EMB: variants seen among roughly 807,000 people sequenced by gnomAD.
The protein encoded by EMB is embigin.
A neutral mutation model predicts 41.4 loss-of-function variants in EMB; 31 were observed. The observed-to-expected ratio is 0.75, with a 90% confidence interval of 0.56 to 1.01. EMB has a LOEUF of 1.01. Ranked by LOEUF, EMB falls within the 50% of genes least tolerant of loss-of-function variation. The probability of loss-of-function intolerance (pLI) is 0.00; values close to 1 mark genes in which losing one functional copy is unlikely to be tolerated. For missense variants in EMB, 379 were observed against 388.3 expected (o/e 0.98, Z 0.20); for synonymous variants, 137 against 140.4 (o/e 0.98, Z 0.17).
chr5:50,413,262 A>G (rs914467568), intron 2 of EMB, among the ~76,000 whole-genome samples: 9 of 152,204 alleles, frequency 5.9e-5, no homozygotes, highest in Non-Finnish European at 8.8e-5. Context: ...AAGAAATCAT[A>G]CAAATATACC....
rs1055847995 is a variant in EMB at position 50,431,521 on chromosome 5, C to A, written c.113-3294G>T. Among the ~76,000 whole-genome samples, 71 of 152,016 alleles carry A rather than the reference C, an allele frequency of 4.7e-4. 1 individual carries two copies. The highest frequency in any genetic ancestry group is 5.9e-5 in the Non-Finnish European group (4 of 67,996). The stretch of plus-strand genomic sequence containing the variant: ...GAGGAAGGAATTTGGGGTCTTAATC[C>A]AAATTCTGTCACTGACTGTTACTTA... On this transcript the variant is annotated intron_variant, in intron 1 of 8. Coordinates refer to ENST00000303221, the MANE Select transcript of EMB (RefSeq NM_198449.3).
intron 2 of EMB, among the ~76,000 whole-genome samples, chr5:50,413,514 T>C (rs1476096965): frequency 6.6e-6 from 1 of 152,056 alleles, no homozygotes; most frequent in Non-Finnish European, 1.5e-5. Context: ...TTCATGAAAG[T>C]AATCAACAAA....
intron 1 of EMB, among the ~76,000 whole-genome samples, chr5:50,429,696 G>T (rs1285325239): frequency 6.6e-6 from 1 of 151,840 alleles, no homozygotes; most frequent in African/African-American, 2.4e-5. Context: ...TTTAAAAAAA[G>T]AAAAAAAGTC....
intron 1 of EMB, among the ~76,000 whole-genome samples, chr5:50,437,819 C>A (rs1318946431): frequency 2.6e-5 from 4 of 152,144 alleles, no homozygotes; most frequent in Admixed American, 6.5e-5. Context: ...TTAAAAGGAT[C>A]ATTTTAAATG....
chr5:50,425,090 T>G (rs1308862754), intron 2 of EMB, among the ~76,000 whole-genome samples: 3 of 152,180 alleles, frequency 2.0e-5, no homozygotes, highest in Non-Finnish European at 2.9e-5. Flanking sequence ...CTAGAATCTT[T>G]TCTGCAATAA....
At chr5:50,421,330 C>T (rs1271761062) in intron 2 of EMB, among the ~76,000 whole-genome samples, 2 of 152,142 alleles carry the variant, frequency 1.3e-5, no homozygotes, top group Non-Finnish European at 2.9e-5. Flanking sequence ...AAATGCAAAT[C>T]AAAACCACAA....
chr5:50,438,668 T>C (rs539411351), intron 1 of EMB, among the ~76,000 whole-genome samples: 253 of 152,224 alleles, frequency 1.7e-3, no homozygotes, highest in African/African-American at 5.9e-3. Flanking sequence ...AAAAATGAAT[T>C]TCCCAGAGAT....
intron 2 of EMB, among the ~76,000 whole-genome samples, chr5:50,423,791 C>G (rs1745565296): frequency 6.6e-6 from 1 of 152,100 alleles, no homozygotes; most frequent in Non-Finnish European, 1.5e-5. Context: ...AGGCCCACGT[C>G]TTTAAATAAT....
chr5:50,414,060 A>C (rs1208802601), intron 2 of EMB, among the ~76,000 whole-genome samples: 1 of 152,212 alleles, frequency 6.6e-6, no homozygotes, highest in Non-Finnish European at 1.5e-5. Flanking sequence ...GTGACTGCAT[A>C]AAAATCAGAA....
intron 1 of EMB, among the ~76,000 whole-genome samples, chr5:50,432,338 C>G (rs1745733286): frequency 1.3e-5 from 2 of 152,196 alleles, no homozygotes; most frequent in African/African-American, 4.8e-5. Flanking sequence ...ATACTGATTG[C>G]TATCAACATG....
intron 5 of EMB, 140 bp downstream of exon 5, chr5:50,405,585 T>G: frequency 2.4e-6 from 3 of 1,254,484 alleles, no homozygotes; most frequent in Middle Eastern, 3.0e-4. Context: ...CACTGCTCTT[T>G]CTTTATGAAC....
intron 2 of EMB, among the ~76,000 whole-genome samples, chr5:50,427,821 G>T (rs1170291939): frequency 2.0e-5 from 3 of 152,140 alleles, no homozygotes; most frequent in African/African-American, 7.2e-5. Context: ...TCTTGACCTA[G>T]AGTGATGTAA....
At chr5:50,409,697 G>T (rs1745303664) in intron 4 of EMB, among the ~76,000 whole-genome samples, 1 of 151,490 alleles carries the variant, frequency 6.6e-6, no homozygotes. Flanking sequence ...GGGAAGGGCA[G>T]ATGGGGCAGG....
At chr5:50,403,037 T>A in intron 6 of EMB, 141 bp downstream of exon 6, 1 of 738,720 alleles carries the variant, frequency 1.4e-6, no homozygotes, top group Non-Finnish European at 2.1e-6. Context: ...CTGCTCCAAA[T>A]AAGAAAATGA....
upstream of EMB, among the ~76,000 whole-genome samples, chr5:50,441,947 C>T (rs1745922150): frequency 1.3e-5 from 2 of 152,164 alleles, no homozygotes; most frequent in African/African-American, 2.4e-5. Flanking sequence ...TCCGAACACT[C>T]TTTAAGATAA....
chr5:50,437,952 T>C (rs1745832968), intron 1 of EMB, among the ~76,000 whole-genome samples: 1 of 152,220 alleles, frequency 6.6e-6, no homozygotes, highest in African/African-American at 2.4e-5. Flanking sequence ...AGATATATTA[T>C]ATGTCTTATT....
At chr5:50,435,472 T>C (rs1291650699) in intron 1 of EMB, among the ~76,000 whole-genome samples, 1 of 152,176 alleles carries the variant, frequency 6.6e-6, no homozygotes, top group East Asian at 1.9e-4. Context: ...CCTGTGACAG[T>C]CTCTTCTGAC....
chr5:50,441,044 G>A lies in EMB; in HGVS notation c.108C>T (p.Ala36=). 6.6e-7 allele frequency: 1 copy of A among 1,506,104 alleles called. No individual in the cohort carries two copies. Among genetic ancestry groups the A allele is most frequent in the Non-Finnish European group, 8.9e-7 (1 of 1,127,316 alleles). 93.3% of individuals were successfully genotyped at this position (1,506,104 alleles called of 1,614,324 possible). A position where few individuals can be genotyped will look rare whatever the true frequency, so the allele number is the denominator to read the frequency against. Residue 36 remains alanine (A), a synonymous_variant, in exon 1 of 9, where the codon GCC becomes GCT. Transcript: ENST00000303221. ...TGGACCCTGTACCCATCACACCTGG[G>A]GCACTGCCGTCCGCCGAGCTTGGGC... ...AARPSSADGS[A]PDSPFTSPPL...
intron 8 of EMB, 21 bp from the exon 9 acceptor site, chr5:50,399,311 T>G (rs775717194): frequency 4.5e-5 from 72 of 1,605,824 alleles, no homozygotes; most frequent in Non-Finnish European, 5.9e-5. Context: ...TAAAGCATAA[T>G]CAAATATAAT....
Sources: allele counts gnomAD v4.1 joint callset (sites outside exome capture counted in the v4.1 genomes callset), GRCh38; gene constraint gnomAD v4.1.1; transcripts MANE v1.5; gene names NCBI Gene and HGNC (gene_info 2026-07-23, HGNC 2026-07-21).